NEK1: variants seen among roughly 807,000 people sequenced by gnomAD.
NEK1 encodes the protein NIMA related kinase 1.
In NEK1, 137 loss-of-function variants were observed where a neutral mutation model predicts 182.1. That is an observed-to-expected ratio of 0.75 (90% CI 0.65 to 0.87). The LOEUF (loss-of-function observed/expected upper bound fraction) is 0.87, where lower values mean the gene tolerates loss of function less well. Among genes scored for constraint, NEK1 ranks in the 40% least tolerant of loss-of-function variants. The pLI is 0.00. For missense variants in NEK1, 1,391 were observed against 1,494.4 expected (o/e 0.93, Z 1.14); for synonymous variants, 513 against 492.2 (o/e 1.04, Z -0.56).
At chr4:169,468,749 G>GC (rs1237819988) in intron 26 of NEK1, among the ~76,000 whole-genome samples, 1 of 152,008 alleles carries the variant, frequency 6.6e-6, no homozygotes, top group East Asian at 1.9e-4. Context: ...CTGGTCCTGG[G>GC]CTTTTTTTGG....
chr4:169,483,035 A>C (rs1312457383), intron 23 of NEK1, among the ~76,000 whole-genome samples: 10 of 152,184 alleles, frequency 6.6e-5, no homozygotes, highest in Non-Finnish European at 1.3e-4. Context: ...TCAGCTTTCA[A>C]TATGCCTTCA....
At chr4:169,610,165 C>T (rs1263861274) in intron 2 of NEK1, among the ~76,000 whole-genome samples, 1 of 152,068 alleles carries the variant, frequency 6.6e-6, no homozygotes, top group East Asian at 1.9e-4. Context: ...CCATACCCAG[C>T]TAATTTTTGT....
chr4:169,497,663 C>T (rs1352081637), intron 23 of NEK1, among the ~76,000 whole-genome samples: 2 of 152,144 alleles, frequency 1.3e-5, no homozygotes, highest in African/African-American at 2.4e-5. Flanking sequence ...TCATTATGTA[C>T]CCAGTAGTCA....
chr4:169,548,446 A>C (rs1229911580), intron 18 of NEK1, among the ~76,000 whole-genome samples: 1 of 152,228 alleles, frequency 6.6e-6, no homozygotes, highest in Non-Finnish European at 1.5e-5. Context: ...CACAGGGGTC[A>C]GGGACCCACT....
At position 169,527,150 on chromosome 4, in the gene NEK1, G is replaced by A. The variant is rs752363383; in HGVS notation, c.1665+10659C>T. 1.1e-4 allele frequency among the ~76,000 whole-genome samples: 16 copies of A among 152,258 alleles called. 2 individuals carry two copies. In the South Asian group the frequency reaches 1.9e-3, roughly 18 times the overall value. ...TTCTCACTGAAAACTATGGAGGATAGAAAGCCAGAAAGTAACATTTTTACG... is the reference window on the plus strand; with the variant it reads ...TTCTCACTGAAAACTATGGAGGATAAAAAGCCAGAAAGTAACATTTTTACG... On this transcript the variant is annotated intron_variant, in intron 19 of 35. Transcript: ENST00000507142.
intron 2 of NEK1, among the ~76,000 whole-genome samples, chr4:169,610,165 C>G (rs1263861274): frequency 6.6e-6 from 1 of 152,068 alleles, no homozygotes; most frequent in African/African-American, 2.4e-5. Context: ...CCATACCCAG[C>G]TAATTTTTGT....
chr4:169,558,846 G>A lies in NEK1; in HGVS notation c.1266+2634C>T, dbSNP rs190379186. On this transcript the variant is annotated intron_variant, in intron 16 of 35. Transcript: ENST00000507142. ...AAAAATGCCTCTTATTTAGAAGTAC[G>A]TAATAATAGTATTAATTTTGAAATA... is the stretch of plus-strand genomic sequence containing the variant. Among the ~76,000 whole-genome samples the A allele has an allele frequency of 1.9e-3, 287 of 152,140 alleles. 2 individuals are homozygous for A. Among genetic ancestry groups the A allele is most frequent in the South Asian group, 3.3e-3 (16 of 4,820 alleles).
At chr4:169,583,428 T>C (rs1487971151) in intron 10 of NEK1, among the ~76,000 whole-genome samples, 2 of 152,184 alleles carry the variant, frequency 1.3e-5, no homozygotes, top group Non-Finnish European at 2.9e-5. Flanking sequence ...TCATGAAGAA[T>C]GAAATCTAAG....
chr4:169,467,632 A>G (rs892019921), intron 26 of NEK1, among the ~76,000 whole-genome samples: 11 of 152,142 alleles, frequency 7.2e-5, no homozygotes, highest in African/African-American at 2.4e-4. Flanking sequence ...TCAACTTAAG[A>G]TTTTTCAACT....
rs535734978 is a variant in NEK1 at position 169,473,702 on chromosome 4, T to C, written c.2434+3422A>G. On this transcript the variant is annotated intron_variant, in intron 26 of 35. Transcript: ENST00000507142. ...GAGTTTGAGACCAGCCTGGGCAACA[T>C]AGCAAAACACCATCTCTCCAAAAAA... Among the ~76,000 whole-genome samples, 22 of 151,784 alleles carry C rather than the reference T, an allele frequency of 1.4e-4. 1 individual carries two copies. In the South Asian group the frequency reaches 2.3e-3, roughly 16 times the overall value.
At chr4:169,419,022 G>C (rs974683878) in intron 31 of NEK1, among the ~76,000 whole-genome samples, 1 of 152,038 alleles carries the variant, frequency 6.6e-6, no homozygotes, top group East Asian at 1.9e-4. Context: ...ATAGTTTAAT[G>C]AATTACTCAT....
intron 11 of NEK1, among the ~76,000 whole-genome samples, chr4:169,578,763 A>C (rs1766120976): frequency 6.6e-6 from 1 of 152,218 alleles, no homozygotes; most frequent in South Asian, 2.1e-4. Context: ...AATATAAGCC[A>C]TTAAGTCGGC....
chr4:169,537,142 G>T (rs777822757), intron 19 of NEK1, among the ~76,000 whole-genome samples: 1 of 152,108 alleles, frequency 6.6e-6, no homozygotes, highest in Non-Finnish European at 1.5e-5. Context: ...ATAATCATCA[G>T]TTGTTCTGTA....
At chr4:169,578,180 A>C (rs1766017522) in intron 11 of NEK1, among the ~76,000 whole-genome samples, 1 of 152,214 alleles carries the variant, frequency 6.6e-6, no homozygotes, top group Non-Finnish European at 1.5e-5. Flanking sequence ...GTTCAAGAAA[A>C]ACACCCTAAG....
At chr4:169,506,513 G>C (rs1396610360) in intron 23 of NEK1, 5 of 152,132 alleles carry the variant, frequency 3.3e-5, no homozygotes, top group Admixed American at 3.3e-4. Context: ...CTAGCACTTT[G>C]GGAGGCTGAG....
intron 5 of NEK1, among the ~76,000 whole-genome samples, chr4:169,597,623 G>A (rs898592332): frequency 6.6e-6 from 1 of 151,982 alleles, no homozygotes; most frequent in Admixed American, 6.6e-5. Context: ...GTGACAGAGC[G>A]AGAGCCTATC....
intron 27 of NEK1, among the ~76,000 whole-genome samples, chr4:169,456,736 A>AT (rs1337690773): frequency 2.6e-5 from 4 of 152,228 alleles, no homozygotes; most frequent in African/African-American, 7.2e-5. Context: ...GGAAATCAGT[A>AT]TATCAAACAG....
At chr4:169,531,262 T>A (rs541569149) in intron 19 of NEK1, among the ~76,000 whole-genome samples, 1 of 152,150 alleles carries the variant, frequency 6.6e-6, no homozygotes, top group South Asian at 2.1e-4. Context: ...TTTGGCAAGA[T>A]GGATAGCAGT....
intron 19 of NEK1, among the ~76,000 whole-genome samples, chr4:169,511,811 G>A (rs1416747860): frequency 1.3e-5 from 2 of 152,008 alleles, no homozygotes; most frequent in African/African-American, 4.8e-5. Context: ...CCATTAAACT[G>A]TTCTCCATCT....
Sources: allele counts gnomAD v4.1 joint callset (sites outside exome capture counted in the v4.1 genomes callset), GRCh38; gene constraint gnomAD v4.1.1; transcripts MANE v1.5; gene names NCBI Gene and HGNC (gene_info 2026-07-23, HGNC 2026-07-21).